Variants in TBC1D2 observed in about 807,000 individuals in gnomAD.
TBC1D2 encodes the protein TBC1 domain family member 2.
A neutral mutation model predicts 91.1 loss-of-function variants in TBC1D2; 58 were observed. The observed-to-expected ratio is 0.64, with a 90% CI of 0.52 to 0.79. The LOEUF is 0.79. TBC1D2 is among the 30% of genes least tolerant of loss of function. TBC1D2 has a pLI of 0.00. For missense variants in TBC1D2, 1,080 were observed against 1,208.3 expected, an observed-to-expected ratio of 0.89 and a Z score of 1.57; for synonymous variants, 482 against 511.5, an observed-to-expected ratio of 0.94 and a Z score of 0.78.
intron 4 of TBC1D2, among the ~76,000 whole-genome samples, chr9:98,233,065 GC>G (rs1415781164): frequency 6.6e-6 from 1 of 152,168 alleles, no homozygotes; most frequent in Non-Finnish European, 1.5e-5. Flanking sequence ...TGAGGGTGGA[GC>G]CCCTGATAAG....
chr9:98,232,353 T>G (rs1419373747), intron 4 of TBC1D2, among the ~76,000 whole-genome samples: 1 of 149,746 alleles, frequency 6.7e-6, no homozygotes, highest in East Asian at 1.9e-4. Context: ...TTTTTTTTTT[T>G]GACAGTGTCT....
chr9:98,209,129 G>A lies in TBC1D2; in HGVS notation c.1689C>T (p.Tyr563=), dbSNP rs763339537. Residue 563 remains tyrosine (Y), a synonymous_variant, in exon 9 of 13, where the codon TAC becomes TAT. Coordinates refer to ENST00000465784, the MANE Select transcript of TBC1D2 (RefSeq NM_001267571.2). Reference sequence around the variant, plus strand: ...CATAGTCGGGCACCGTCAGGAAGCCGTACTCATCATACTTACTGCCAGCAA... The same window carrying A: ...CATAGTCGGGCACCGTCAGGAAGCCATACTCATCATACTTACTGCCAGCAA... ...ELSPISKYDE[Y]GFLTVPDYEV... is the part of the protein sequence containing the mutation. 25 of 1,612,302 alleles carry A rather than the reference G, an allele frequency of 1.6e-5. No homozygotes were observed. Among genetic ancestry groups the A allele is most frequent in the Non-Finnish European group, 1.7e-5 (20 of 1,178,646 alleles).
At position 98,208,742 on chromosome 9, in the gene TBC1D2, G is replaced by C. The variant is rs148143158; in HGVS notation, c.2076C>G (p.Pro692=). 1 of 1,561,994 alleles carries C rather than the reference G, an allele frequency of 6.4e-7. No homozygotes were observed. The highest frequency in any genetic ancestry group is 1.2e-5 in the South Asian group (1 of 82,790). ...KHFTCPTSSF[P]DKLRRVLLAF... ...CCAGCAGCACCCGGCGGAGCTTGTC[G>C]GGGAAGCTGGAGGTGGGGCAGGTGA... is the stretch of plus-strand genomic sequence containing the variant. Residue 692 remains proline, a synonymous_variant, in exon 9 of 13, where the codon CCC becomes CCG. Transcript: ENST00000465784.
chr9:98,238,119 G>A (rs1829554669), intron 3 of TBC1D2, among the ~76,000 whole-genome samples: 1 of 135,658 alleles, frequency 7.4e-6, no homozygotes, highest in South Asian at 2.1e-4. Flanking sequence ...AGCTAGGCTG[G>A]TCTTGAACTC....
At chr9:98,253,816 G>A (rs1209643506) in intron 1 of TBC1D2, among the ~76,000 whole-genome samples, 3 of 152,054 alleles carry the variant, frequency 2.0e-5, no homozygotes, top group African/African-American at 7.2e-5. Flanking sequence ...AACATTTCAG[G>A]GTGCATGCAG....
At position 98,255,189 on chromosome 9, in the gene TBC1D2, C is replaced by T. The variant is rs1266138901; in HGVS notation, c.353G>A (p.Arg118Gln). 6.2e-7 allele frequency: 1 copy of T among 1,607,484 alleles called. No individual in the cohort carries two copies. Among genetic ancestry groups the T allele is most frequent in the Non-Finnish European group, 8.5e-7 (1 of 1,175,126 alleles). ...EGIFEIKTPS[R>Q]VITLKAATKQ... ...GGAATTTACCTTCAGGGTAATAACC[C>T]GGCTGGGAGTCTTGATTTCGAAGAT... The change falls in exon 1 of 13, where the codon CGG becomes CAG. Residue 118 changes from arginine to glutamine, a missense_variant. Physicochemically the swap from Arg to Gln is conservative, Grantham distance 43. Transcript: ENST00000465784.
At chr9:98,208,139 A>T (rs1215529624) in intron 9 of TBC1D2, among the ~76,000 whole-genome samples, 1 of 152,138 alleles carries the variant, frequency 6.6e-6, no homozygotes. Context: ...AGCACAAATC[A>T]AAGGAGAGAG....
rs1333825447 is a variant in TBC1D2, at chr9:98,208,756, T to G, written c.2062A>C (p.Thr688Pro). Residue 688 changes from threonine to proline, a missense_variant, in exon 9 of 13, where the codon ACC becomes CCC. Physicochemically the swap from Thr to Pro is conservative, Grantham distance 38. Transcript: ENST00000465784. ...CGGAGCTTGTCGGGGAAGCTGGAGG[T>G]GGGGCAGGTGAAGTGTTTGTTGTTG... ...FPNNKHFTCP[T>P]SSFPDKLRRV... The G allele has an allele frequency of 2.6e-6, 4 of 1,567,748 alleles. No individual in the cohort carries two copies. Among genetic ancestry groups the G allele is most frequent in the Non-Finnish European group, 2.6e-6 (3 of 1,152,386 alleles).
At chr9:98,252,498 A>C (rs1052692871) in intron 1 of TBC1D2, among the ~76,000 whole-genome samples, 2 of 152,152 alleles carry the variant, frequency 1.3e-5, no homozygotes, top group African/African-American at 4.8e-5. Flanking sequence ...CCTCCAAACA[A>C]GTTCATGGTA....
At chr9:98,239,854 C>T (rs574232798) in intron 3 of TBC1D2, among the ~76,000 whole-genome samples, 5 of 152,146 alleles carry the variant, frequency 3.3e-5, no homozygotes, top group South Asian at 2.1e-4. Flanking sequence ...TCAATCTCTA[C>T]GATGTAATTA....
intron 6 of TBC1D2, among the ~76,000 whole-genome samples, chr9:98,216,239 T>C (rs1200844399): frequency 6.6e-6 from 1 of 152,194 alleles, no homozygotes; most frequent in Non-Finnish European, 1.5e-5. Flanking sequence ...ATGTGGCAAG[T>C]GCAACGTGAG....
In TBC1D2 at chr9:98,221,056, T is replaced by TCCCGCTCCTGCTCCAGGGCCTCCA. The variant is rs1829087403; in HGVS notation, c.1127_1150dup (p.Val376_Arg383dup). On this transcript the variant is annotated inframe_insertion, in exon 6 of 13. Coordinates refer to ENST00000465784, the MANE Select transcript of TBC1D2 (RefSeq NM_001267571.2). ...CAGGCTCGCTGTGTGCGCCAGGCTC[T>TCCCGCTCCTGCTCCAGGGCCTCCA]CCCGCTCCTGCTCCAGGGCCTCCAC... 1 of 1,611,848 alleles carries TCCCGCTCCTGCTCCAGGGCCTCCA rather than the reference T, an allele frequency of 6.2e-7. No individual in the cohort carries two copies. Among genetic ancestry groups the TCCCGCTCCTGCTCCAGGGCCTCCA allele is most frequent in the Non-Finnish European group, 8.5e-7 (1 of 1,179,352 alleles).
At chr9:98,242,690 C>T (rs1464194188) in intron 3 of TBC1D2, among the ~76,000 whole-genome samples, 2 of 150,838 alleles carry the variant, frequency 1.3e-5, no homozygotes, top group East Asian at 3.9e-4. Flanking sequence ...CATTTACTAA[C>T]AAGGTAAGAA....
intron 2 of TBC1D2, 42 bp from the exon 3 acceptor site, chr9:98,244,171 C>A (rs764810411): frequency 6.2e-7 from 1 of 1,607,980 alleles, no homozygotes. Flanking sequence ...TGGGTCACTG[C>A]ACTTGGAAAG....
rs143835650 is a variant in TBC1D2, at chr9:98,204,801, T to TG, written c.2151-1394dup. On this transcript the variant is annotated intron_variant, in intron 9 of 12. Coordinates refer to ENST00000465784, the MANE Select transcript of TBC1D2 (RefSeq NM_001267571.2). ...GGAAGCTCCGTTCTCTCAGAGCTGG[T>TG]GGGGAGGGACCTCCATAGGTCACTG... 8.9e-3 allele frequency among the ~76,000 whole-genome samples: 1,357 copies of TG among 152,298 alleles called. 89 individuals carry two copies. In the East Asian group the frequency reaches 0.18, roughly 20 times the overall value.
At chr9:98,219,113 G>A (rs549987481) in intron 6 of TBC1D2, among the ~76,000 whole-genome samples, 2 of 152,362 alleles carry the variant, frequency 1.3e-5, no homozygotes, top group South Asian at 4.1e-4. Context: ...AACTGGTTAT[G>A]TGGGTTTTCA....
chr9:98,203,321 A>G lies in TBC1D2; in HGVS notation c.2238T>C (p.Ala746=). 6.2e-7 allele frequency: 1 copy of G among 1,614,242 alleles called. No homozygotes were observed. The highest frequency in any genetic ancestry group is 8.5e-7 in the Non-Finnish European group (1 of 1,180,044). Residue 746 remains alanine, a synonymous_variant, in exon 10 of 13, where the codon GCT becomes GCC. Transcript: ENST00000465784. ...LVAIVETIMP[A]DYYCNTLTAS... ...CCGTCAGCGTGTTGCAGTAGTAATC[A>G]GCGGGCATGATGGTCTCCACAATGG...
chr9:98,213,121 G>T lies in TBC1D2; in HGVS notation c.1472C>A (p.Ala491Asp), dbSNP rs1828890500. The T allele has an allele frequency of 6.2e-7, 1 of 1,614,118 alleles. No individual in the cohort carries two copies. The change falls in exon 7 of 13, where the codon GCC becomes GAC. Residue 491 changes from alanine (A) to aspartate (D), a missense_variant. By Grantham distance (126) the Ala-to-Asp change is moderately radical. Coordinates refer to ENST00000465784, the MANE Select transcript of TBC1D2 (RefSeq NM_001267571.2). The part of the protein sequence containing the change: ...IWRKVAEKEK[A>D]LLTKCAYLQA... ...CCCACCCCGCACCTTCGTCAGAAGG[G>T]CCTTCTCCTTCTCAGCCACCTTTCT...
chr9:98,209,186 T>A (rs768721893), intron 8 of TBC1D2, 42 bp from the exon 9 acceptor site: 1 of 1,574,698 alleles, frequency 6.4e-7, no homozygotes, highest in Non-Finnish European at 8.7e-7. Flanking sequence ...TGCAGAGCCC[T>A]TCCCTAGATA....
Sources: allele counts gnomAD v4.1 joint callset (sites outside exome capture counted in the v4.1 genomes callset), GRCh38; gene constraint gnomAD v4.1.1; transcripts MANE v1.5; gene names NCBI Gene and HGNC (gene_info 2026-07-23, HGNC 2026-07-21).